Variants in RALGAPA1 observed in about 807,000 individuals in gnomAD.
The protein encoded by RALGAPA1 is ral GTPase-activating protein subunit alpha-1.
In RALGAPA1, 52 loss-of-function variants were observed where a neutral mutation model predicts 269.6. The ratio of observed to expected loss-of-function variants is 0.19; its 90% CI spans 0.15 to 0.24. The LOEUF (loss-of-function observed/expected upper bound fraction) is 0.24. Among genes scored for constraint, RALGAPA1 ranks in the 10% least tolerant of loss-of-function variants. The pLI is 1.00. For missense variants in RALGAPA1, 1,917 were observed against 3,013.9 expected, an observed-to-expected ratio of 0.64 and a Z score of 8.52; for synonymous variants, 817 against 1,008.3, an observed-to-expected ratio of 0.81 and a Z score of 3.60.
chr14:35,710,810 T>A (rs1266227002), intron 16 of RALGAPA1, among the ~76,000 whole-genome samples: 1 of 152,224 alleles, frequency 6.6e-6, no homozygotes, highest in East Asian at 1.9e-4. Context: ...CTTACACAAA[T>A]ATTTACCATT....
intron 1 of RALGAPA1, among the ~76,000 whole-genome samples, chr14:35,801,709 T>C (rs996610923): frequency 2.0e-5 from 3 of 152,152 alleles, no homozygotes; most frequent in African/African-American, 4.8e-5. Flanking sequence ...CCATTCCTGA[T>C]AGAAACCCTC....
chr14:35,767,281 A>G (rs1287522386), intron 4 of RALGAPA1, among the ~76,000 whole-genome samples: 1 of 152,180 alleles, frequency 6.6e-6, no homozygotes, highest in East Asian at 1.9e-4. Flanking sequence ...AACATGCTAA[A>G]ATTTATGGGA....
intron 19 of RALGAPA1, among the ~76,000 whole-genome samples, chr14:35,686,288 C>A (rs930411401): frequency 2.0e-5 from 3 of 151,886 alleles, no homozygotes; most frequent in African/African-American, 4.8e-5. Context: ...GTTGCTTATA[C>A]CTGTGTATTT....
At chr14:35,690,079 T>TA (rs1338029252) in intron 17 of RALGAPA1, 76 bp from the exon 18 acceptor site, 10 of 1,076,490 alleles carry the variant, frequency 9.3e-6, no homozygotes, top group Non-Finnish European at 1.3e-5. Flanking sequence ...AATAATGCTC[T>TA]AAAGCATATG....
At chr14:35,681,187 T>C (rs1418884428) in intron 21 of RALGAPA1, among the ~76,000 whole-genome samples, 1 of 152,226 alleles carries the variant, frequency 6.6e-6, no homozygotes, top group South Asian at 2.1e-4. Context: ...AACTTCACTC[T>C]TGGAAAATAC....
At chr14:35,651,990 T>G in intron 30 of RALGAPA1, 117 bp from the exon 31 acceptor site, 1 of 675,136 alleles carries the variant, frequency 1.5e-6, no homozygotes, top group Non-Finnish European at 2.4e-6. Context: ...AAATTTATTC[T>G]AAACACATTA....
At chr14:35,711,255 A>C (rs1188848587) in intron 16 of RALGAPA1, among the ~76,000 whole-genome samples, 2 of 152,176 alleles carry the variant, frequency 1.3e-5, no homozygotes, top group Non-Finnish European at 2.9e-5. Flanking sequence ...TTAACACTGT[A>C]CCACATTTGT....
At chr14:35,584,672 A>G (rs2058166303) in intron 37 of RALGAPA1, among the ~76,000 whole-genome samples, 1 of 152,184 alleles carries the variant, frequency 6.6e-6, no homozygotes, top group African/African-American at 2.4e-5. Flanking sequence ...AAAGAAGCAT[A>G]ATTGATATGT....
intron 34 of RALGAPA1, 77 bp from the exon 35 acceptor site, chr14:35,625,509 C>T (rs2060939868): frequency 9.7e-7 from 1 of 1,032,442 alleles, no homozygotes; most frequent in Non-Finnish European, 1.4e-6. Flanking sequence ...ACTTTCCACT[C>T]TACTCATGCA....
chr14:35,643,277 C>T (rs2062155116), intron 31 of RALGAPA1, among the ~76,000 whole-genome samples: 2 of 152,064 alleles, frequency 1.3e-5, no homozygotes, highest in African/African-American at 4.8e-5. Context: ...CACATGTATA[C>T]ATATGTAACA....
intron 15 of RALGAPA1, among the ~76,000 whole-genome samples, chr14:35,722,805 C>T (rs1003908408): frequency 6.6e-6 from 1 of 152,084 alleles, no homozygotes; most frequent in Non-Finnish European, 1.5e-5. Context: ...TTATTGTACA[C>T]ATTTTAAATA....
chr14:35,546,137 C>A lies in RALGAPA1; in HGVS notation c.*23+2371G>T, dbSNP rs368552542. 8.5e-5 allele frequency among the ~76,000 whole-genome samples: 13 copies of A among 152,144 alleles called. No homozygotes were observed. The South Asian group carries it at 2.7e-3, about 32-fold the overall frequency. On this transcript the variant is annotated intron_variant, in intron 41 of 41. Transcript: ENST00000680220. The stretch of plus-strand genomic sequence containing the variant: ...ATTTCCCTTAAGTATCAGTCTACTG[C>A]CACAGACAGTACATTTTGAGAAAAT...
chr14:35,567,753 T>G (rs1451016062), intron 39 of RALGAPA1, among the ~76,000 whole-genome samples: 2 of 152,108 alleles, frequency 1.3e-5, no homozygotes, highest in African/African-American at 4.8e-5. Context: ...TGTCAGAAAG[T>G]TTGTGCTTGC....
In RALGAPA1 at chr14:35,756,862, T is replaced by G. The variant is rs773910726; in HGVS notation, c.594A>C (p.Ser198=). ...TGAGATCTTCTTGCCCTTTATCTCC[T>G]GATTGTGGGGGGACAAGAGGAGTGA... The part of the protein sequence containing the change: ...EEITPLVPPQ[S]GDKGQEDLTS... The change falls in exon 7 of 42, where the codon TCA becomes TCC. Residue 198 remains serine (S), a synonymous_variant. Transcript: ENST00000680220. The G allele has an allele frequency of 1.2e-6, 2 of 1,611,466 alleles. No individual in the cohort carries two copies. Among genetic ancestry groups the G allele is most frequent in the African/African-American group, 1.3e-5 (1 of 74,884 alleles).
At chr14:35,672,741 A>G in intron 25 of RALGAPA1, 126 bp downstream of exon 25, 1 of 885,094 alleles carries the variant, frequency 1.1e-6, no homozygotes, top group Admixed American at 4.0e-5. Flanking sequence ...TAAATTGTAT[A>G]TAAATCACTA....
At chr14:35,634,223 G>A (rs2139722183) in intron 33 of RALGAPA1, among the ~76,000 whole-genome samples, 1 of 152,198 alleles carries the variant, frequency 6.6e-6, no homozygotes, top group South Asian at 2.1e-4. Context: ...CAAAGGAAAT[G>A]CTCATTGGAG....
At chr14:35,768,728 G>A (rs1229329830) in intron 4 of RALGAPA1, among the ~76,000 whole-genome samples, 2 of 151,714 alleles carry the variant, frequency 1.3e-5, no homozygotes, top group Admixed American at 6.6e-5. Context: ...AAATAAATAG[G>A]TAGGGCACAG....
At chr14:35,656,144 G>A (rs1355398987) in intron 28 of RALGAPA1, among the ~76,000 whole-genome samples, 1 of 152,100 alleles carries the variant, frequency 6.6e-6, no homozygotes, top group Non-Finnish European at 1.5e-5. Flanking sequence ...TACAGGCTGG[G>A]ATACCACACA....
At chr14:35,566,982 T>G (rs1222952130) in intron 39 of RALGAPA1, among the ~76,000 whole-genome samples, 2 of 151,236 alleles carry the variant, frequency 1.3e-5, no homozygotes. Flanking sequence ...TGCATGTATA[T>G]ACATACTACA....
Sources: allele counts gnomAD v4.1 joint callset (sites outside exome capture counted in the v4.1 genomes callset), GRCh38; gene constraint gnomAD v4.1.1; transcripts MANE v1.5; gene names NCBI Gene and HGNC (gene_info 2026-07-23, HGNC 2026-07-21).